The following PLEKHG1 variants were observed in gnomAD, a reference collection of about 807,000 sequenced individuals.
The protein encoded by PLEKHG1 is pleckstrin homology domain-containing family G member 1.
In PLEKHG1, 44 loss-of-function variants were observed where a neutral mutation model predicts 100.8. The observed-to-expected ratio is 0.44, with a 90% CI of 0.34 to 0.56. PLEKHG1 has a LOEUF of 0.56. Ranked by LOEUF, PLEKHG1 falls within the 20% of genes least tolerant of loss-of-function variation. PLEKHG1 has a pLI of 0.01. For synonymous variants in PLEKHG1, 640 were observed against 662.5 expected, an observed-to-expected ratio of 0.97 and a Z score of 0.52; for missense variants, 1,545 against 1,720.9, an observed-to-expected ratio of 0.90 and a Z score of 1.81.
chr6:150,824,154 A>T (rs148629971), intron 14 of PLEKHG1, among the ~76,000 whole-genome samples: 2 of 152,384 alleles, frequency 1.3e-5, no homozygotes, highest in East Asian at 3.9e-4. Flanking sequence ...GTATGATCGA[A>T]TGAGACTTTG....
intron 5 of PLEKHG1, among the ~76,000 whole-genome samples, chr6:150,798,251 A>C (rs948191554): frequency 1.3e-5 from 2 of 152,220 alleles, no homozygotes; most frequent in African/African-American, 4.8e-5. Flanking sequence ...GAAGGAAAAA[A>C]AACATTCAGA....
At chr6:150,672,735 T>G (rs2128585507) in intron 3 of PLEKHG1, among the ~76,000 whole-genome samples, 1 of 152,338 alleles carries the variant, frequency 6.6e-6, no homozygotes, top group Admixed American at 6.5e-5. Flanking sequence ...ATTTTTCAAG[T>G]TTGAGTGAGA....
chr6:150,655,378 G>A (rs1012264478), intron 3 of PLEKHG1, among the ~76,000 whole-genome samples: 3 of 152,098 alleles, frequency 2.0e-5, no homozygotes, highest in East Asian at 1.9e-4. Context: ...ACTTGGAACC[G>A]ACCCAAATGC....
At chr6:150,772,489 A>T (rs1784759605) in intron 3 of PLEKHG1, among the ~76,000 whole-genome samples, 1 of 152,194 alleles carries the variant, frequency 6.6e-6, no homozygotes, top group Non-Finnish European at 1.5e-5. Flanking sequence ...ACATGATGGC[A>T]CATGCCTGTG....
At chr6:150,767,700 G>A (rs181800517) in intron 2 of PLEKHG1, among the ~76,000 whole-genome samples, 2 of 152,338 alleles carry the variant, frequency 1.3e-5, no homozygotes, top group Admixed American at 1.3e-4. Context: ...CGGCTGCGGT[G>A]CTGGGATTTT....
At chr6:150,682,503 G>T (rs533707083) in intron 3 of PLEKHG1, among the ~76,000 whole-genome samples, 2 of 152,156 alleles carry the variant, frequency 1.3e-5, no homozygotes, top group African/African-American at 4.8e-5. Context: ...CACCCGGCCA[G>T]GTTCTGCCCA....
chr6:150,823,764 C>T (rs184216480), intron 14 of PLEKHG1, 88 bp downstream of exon 15: 119 of 869,414 alleles, frequency 1.4e-4, no homozygotes, highest in Non-Finnish European at 1.9e-4. Flanking sequence ...ATCTCCAGCC[C>T]GTATTCCAAG....
At chr6:150,658,878 T>G (rs1455812014) in intron 3 of PLEKHG1, among the ~76,000 whole-genome samples, 1 of 152,236 alleles carries the variant, frequency 6.6e-6, no homozygotes, top group African/African-American at 2.4e-5. Context: ...CATTTGCACA[T>G]TTACGATAAG....
At chr6:150,623,444 A>G (rs1777389500) in intron 1 of PLEKHG1, among the ~76,000 whole-genome samples, 1 of 152,202 alleles carries the variant, frequency 6.6e-6, no homozygotes, top group Non-Finnish European at 1.5e-5. Flanking sequence ...TTTATGTGTC[A>G]GGCGGCCTGT....
chr6:150,682,170 G>A (rs1189136356), intron 3 of PLEKHG1, among the ~76,000 whole-genome samples: 2 of 152,130 alleles, frequency 1.3e-5, no homozygotes, highest in Non-Finnish European at 2.9e-5. Flanking sequence ...TCTGGGCCTT[G>A]TGCTGGCAGG....
chr6:150,829,968 A>C (rs1320958258), intron 14 of PLEKHG1, among the ~76,000 whole-genome samples: 3 of 152,206 alleles, frequency 2.0e-5, no homozygotes, highest in African/African-American at 4.8e-5. Flanking sequence ...AACAGATAGC[A>C]TGGCCCTTAA....
At chr6:150,613,127 T>C (rs1374822572) in intron 1 of PLEKHG1, among the ~76,000 whole-genome samples, 1 of 152,204 alleles carries the variant, frequency 6.6e-6, no homozygotes, top group Non-Finnish European at 1.5e-5. Flanking sequence ...CTGTGGTTCC[T>C]GAGTACTCCA....
At chr6:150,745,697 A>G (rs1783123839) in intron 2 of PLEKHG1, among the ~76,000 whole-genome samples, 1 of 151,708 alleles carries the variant, frequency 6.6e-6, no homozygotes, top group Admixed American at 6.6e-5. Context: ...AAAAAAAAAA[A>G]GCAAAATCAC....
intron 14 of PLEKHG1, chr6:150,828,204 C>T (rs2128685407): frequency 1.2e-6 from 2 of 1,613,872 alleles, no homozygotes; most frequent in Non-Finnish European, 1.7e-6. Context: ...GTTTATTGGT[C>T]CTCTGAGTGT....
intron 1 of PLEKHG1, among the ~76,000 whole-genome samples, chr6:150,621,913 T>C (rs62434093): frequency 0.081 from 12,309 of 152,304 alleles, 564 homozygotes; most frequent in Non-Finnish European, 0.1. Context: ...TTACAGTTCA[T>C]TACCTGGTCT....
intron 1 of PLEKHG1, among the ~76,000 whole-genome samples, chr6:150,635,271 G>T (rs1408703444): frequency 6.6e-6 from 1 of 151,998 alleles, no homozygotes; most frequent in Admixed American, 6.6e-5. Flanking sequence ...TGGAGACTGT[G>T]CTGCAAATTT....
intron 1 of PLEKHG1, among the ~76,000 whole-genome samples, chr6:150,634,259 A>AAAAAAAG (rs1562397883): frequency 4.4e-4 from 66 of 150,788 alleles, no homozygotes; most frequent in African/African-American, 1.5e-3. Context: ...CCAAAAAAAA[A>AAAAAAAG]AAAGAAAAAA....
rs1444303894 is a variant in PLEKHG1 at position 150,683,871 on chromosome 6, C to G, written c.-99+33085C>G. 3.2e-6 allele frequency: 4 copies of G among 1,239,364 alleles called. No individual in the cohort carries two copies. Among genetic ancestry groups the G allele is most frequent in the Middle Eastern group, 2.2e-4 (1 of 4,530 alleles). 76.8% of individuals were successfully genotyped at this position (1,239,364 alleles called of 1,614,324 possible). A position where few individuals can be genotyped will look rare whatever the true frequency, so the allele number is the denominator to read the frequency against. Reference sequence around the variant, plus strand: ...GTGAAATATGGGAATATTGAAGGGGCCTGGGATGGAGGTAAGATGGAGCGA... The same window carrying G: ...GTGAAATATGGGAATATTGAAGGGGGCTGGGATGGAGGTAAGATGGAGCGA... On this transcript the variant is annotated intron_variant, in intron 3 of 3. Transcript: ENST00000367326. This position sits in a 1 kb window ranked among gnomAD's most constrained non-coding sequence, Gnocchi z 4.0.
upstream of PLEKHG1, among the ~76,000 whole-genome samples, chr6:150,716,323 T>TA (rs532652090): frequency 6.0e-4 from 92 of 152,322 alleles, 4 homozygotes; most frequent in South Asian, 0.018. Context: ...TTTAAATTGT[T>TA]ACGCTCCTTG....
Sources: allele counts gnomAD v4.1 joint callset (sites outside exome capture counted in the v4.1 genomes callset), GRCh38; gene constraint gnomAD v4.1.1; non-coding constraint Gnocchi (gnomAD v3.1); transcripts MANE v1.5; gene names NCBI Gene and HGNC (gene_info 2026-07-23, HGNC 2026-07-21).